DPPA3: variants seen among roughly 807,000 people sequenced by gnomAD.
DPPA3 encodes the protein developmental pluripotency-associated protein 3.
In DPPA3, 9 loss-of-function variants were observed where a neutral mutation model predicts 15.6. That is an observed-to-expected ratio of 0.58 (90% confidence interval 0.35 to 1.01). The LOEUF (loss-of-function observed/expected upper bound fraction) is 1.01. Among genes scored for constraint, DPPA3 ranks in the 50% least tolerant of loss-of-function variants. DPPA3 has a pLI of 0.02. For missense variants in DPPA3, 148 were observed against 194.6 expected (o/e 0.76, Z 1.42); for synonymous variants, 61 against 70.9 (o/e 0.86, Z 0.70).
At position 7,715,227 on chromosome 12, in the gene DPPA3, A is replaced by G; in HGVS notation, c.127A>G (p.Asn43Asp). Residue 43 changes from asparagine (N) to aspartate (D), a missense_variant, in exon 2 of 4, where the codon AAC (asparagine) becomes GAC (aspartate). Asn to Asp is a conservative substitution (Grantham distance 23). Coordinates refer to ENST00000345088, the MANE Select transcript of DPPA3 (RefSeq NM_199286.4). ...CGAGACGTTGATAAAGAACCTTAGT[A>G]ACTTGACTATCAACGCTAGTAGCGA... ...SSETLIKNLSNLTINASSESV... is the reference protein window; with the variant it reads ...SSETLIKNLSDLTINASSESV... 2 of 1,613,836 alleles carry G rather than the reference A, an allele frequency of 1.2e-6. No homozygotes were observed. The highest frequency in any genetic ancestry group is 1.7e-6 in the Non-Finnish European group (2 of 1,179,838).
chr12:7,713,366 C>G (rs74558637), intron 1 of DPPA3, among the ~76,000 whole-genome samples: 10,232 of 152,290 alleles, frequency 0.067, 1,200 homozygotes, highest in African/African-American at 0.23. Context: ...CAGTCTCTCC[C>G]TTTCCTTGCG....
At chr12:7,716,894 T>C in intron 3 of DPPA3, 73 bp from the exon 4 acceptor site, 1 of 1,358,884 alleles carries the variant, frequency 7.4e-7, no homozygotes, top group Non-Finnish European at 1.1e-6. Context: ...ATAAACAACA[T>C]TATAGTTGAG....
chr12:7,712,145 T>C (rs890710959), intron 1 of DPPA3, among the ~76,000 whole-genome samples: 1 of 147,526 alleles, frequency 6.8e-6, no homozygotes, highest in African/African-American at 2.5e-5. Context: ...TTGATCTCCT[T>C]ACCTCGTGAT....
At chr12:7,712,863 C>A (rs1864359972) in intron 1 of DPPA3, among the ~76,000 whole-genome samples, 1 of 152,302 alleles carries the variant, frequency 6.6e-6, no homozygotes, top group East Asian at 1.9e-4. Context: ...CGTGCGCCAC[C>A]GAGTCCGGGC....
At chr12:7,711,979 G>T (rs1324335643) in intron 1 of DPPA3, among the ~76,000 whole-genome samples, 1 of 146,752 alleles carries the variant, frequency 6.8e-6, no homozygotes, top group Non-Finnish European at 1.5e-5. Flanking sequence ...GCAGTGGCGC[G>T]ATCTCGGCTC....
chr12:7,716,100 C>T, intron 2 of DPPA3, 98 bp from the exon 3 acceptor site: 2 of 1,090,988 alleles, frequency 1.8e-6, no homozygotes, highest in Non-Finnish European at 2.7e-6. Context: ...AAGACCCTGT[C>T]TCAACAAATT....
intron 1 of DPPA3, among the ~76,000 whole-genome samples, chr12:7,714,225 G>A (rs1864374441): frequency 1.3e-5 from 2 of 151,944 alleles, no homozygotes; most frequent in African/African-American, 2.4e-5. Context: ...GCGAGACTCC[G>A]TCTTAATAAT....
chr12:7,713,362 C>T (rs1289030774), intron 1 of DPPA3, among the ~76,000 whole-genome samples: 1 of 152,238 alleles, frequency 6.6e-6, no homozygotes, highest in African/African-American at 2.4e-5. Context: ...CCCCCAGTCT[C>T]TCCCTTTCCT....
rs774045171 is a variant in DPPA3 at position 7,716,209 on chromosome 12, A to G, written c.339A>G (p.Arg113=). 3 of 1,606,002 alleles carry G rather than the reference A, an allele frequency of 1.9e-6. No individual in the cohort carries two copies. Among genetic ancestry groups the G allele is most frequent in the Non-Finnish European group, 2.6e-6 (3 of 1,176,110 alleles). ...TTTTTCCCATGAAGCATGAAAGAAG[A>G]CCAACAAACAAGGAGCCTAAGGGAG... The part of the protein sequence containing the change: ...LLGGVRTHER[R]PTNKEPKGVK... Residue 113 remains arginine (R), a synonymous_variant, in exon 3 of 4, where the codon AGA becomes AGG. Transcript: ENST00000345088.
chr12:7,716,476 A>T (rs1209413102), intron 3 of DPPA3, among the ~76,000 whole-genome samples: 2 of 152,070 alleles, frequency 1.3e-5, no homozygotes, highest in African/African-American at 4.8e-5. Context: ...CACCCCACAC[A>T]TGCCGCCTCT....
chr12:7,711,713 C>T (rs967926588), intron 1 of DPPA3, 61 bp downstream of exon 1: 5 of 567,294 alleles, frequency 8.8e-6, no homozygotes, highest in Non-Finnish European at 1.3e-5. Flanking sequence ...GGTCAAAAGG[C>T]TGCCGTCTTT....
chr12:7,713,969 T>C (rs892672141), intron 1 of DPPA3, among the ~76,000 whole-genome samples: 2 of 152,094 alleles, frequency 1.3e-5, no homozygotes, highest in African/African-American at 2.4e-5. Flanking sequence ...GCCATGATAG[T>C]GCCACTGCAC....
Position 7,716,194 on chromosome 12 carries a change from G to T in DPPA3, c.328-4G>T. The T allele has an allele frequency of 6.2e-7, 1 of 1,603,428 alleles. No individual in the cohort carries two copies. On this transcript the variant is annotated splice_region_variant and splice_polypyrimidine_tract_variant and intron_variant, in intron 2 of 3. Coordinates refer to ENST00000345088, the MANE Select transcript of DPPA3 (RefSeq NM_199286.4). ...TTCAATAAACATATTTTTTTCCCAT[G>T]AAGCATGAAAGAAGACCAACAAACA...
rs147622937 is a variant in DPPA3 at position 7,715,202 on chromosome 12, C to T, written c.102C>T (p.Ser34=). 1.1e-5 allele frequency: 17 copies of T among 1,613,406 alleles called. No homozygotes were observed. The African/African-American group carries it at 1.5e-4, about 14-fold the overall frequency. The change falls in exon 2 of 4, where the codon TCC becomes TCT. Residue 34 remains serine (S), a synonymous_variant. Transcript: ENST00000345088. ...RDDSGASQIS[S]ETLIKNLSNL... ...TTTCAGGGGCCTCTCAAATCTCCTC[C>T]GAGACGTTGATAAAGAACCTTAGTA...
intron 1 of DPPA3, among the ~76,000 whole-genome samples, chr12:7,712,572 A>C (rs1021742107): frequency 1.3e-5 from 2 of 151,812 alleles, no homozygotes; most frequent in African/African-American, 4.8e-5. Flanking sequence ...CTCAGCCTCC[A>C]AAGTAGCTGG....
chr12:7,711,968 T>C (rs929771432), intron 1 of DPPA3, among the ~76,000 whole-genome samples: 1 of 147,866 alleles, frequency 6.8e-6, no homozygotes, highest in African/African-American at 2.5e-5. Flanking sequence ...CAGGCTGGAG[T>C]GCAGTGGCGC....
At position 7,716,181 on chromosome 12, in the gene DPPA3, AT is replaced by A. The variant is rs34619457; in HGVS notation, c.328-10del. On this transcript the variant is annotated splice_polypyrimidine_tract_variant and intron_variant, in intron 2 of 3. Coordinates refer to ENST00000345088, the MANE Select transcript of DPPA3 (RefSeq NM_199286.4). ...TTTCTTGATAGTTTTCAATAAACAT[AT>A]TTTTTTCCCATGAAGCATGAAAGAA... The A allele has an allele frequency of 1.3e-6, 2 of 1,577,396 alleles. No individual in the cohort carries two copies. The highest frequency in any genetic ancestry group is 3.5e-5 in the Admixed American group (2 of 57,702).
chr12:7,714,194 C>T (rs1864374102), intron 1 of DPPA3, among the ~76,000 whole-genome samples: 1 of 152,092 alleles, frequency 6.6e-6, no homozygotes, highest in Admixed American at 6.6e-5. Flanking sequence ...GGCGCCACTG[C>T]ACTCCAGCCT....
chr12:7,713,015 T>C (rs1864361339), intron 1 of DPPA3, among the ~76,000 whole-genome samples: 1 of 152,218 alleles, frequency 6.6e-6, no homozygotes, highest in Non-Finnish European at 1.5e-5. Context: ...GGAGGGCGGC[T>C]TATCTAGAAA....
Sources: gnomAD v4.1 joint callset for allele counts (sites outside exome capture counted in the v4.1 genomes callset) on GRCh38, gnomAD v4.1.1 for gene constraint, MANE v1.5 for transcripts, NCBI Gene and HGNC (gene_info 2026-07-23, HGNC 2026-07-21) for gene names.